ENPP2: variants seen among roughly 807,000 people sequenced by gnomAD.
ENPP2 encodes autotaxin.
In ENPP2, 51 loss-of-function variants were observed where a neutral mutation model predicts 120.2. The observed-to-expected ratio is 0.42, with a 90% CI of 0.34 to 0.54. The LOEUF (loss-of-function observed/expected upper bound fraction) is 0.54, where lower values mean the gene tolerates loss of function less well. Among genes scored for constraint, ENPP2 ranks in the 20% least tolerant of loss-of-function variants. The probability of loss-of-function intolerance (pLI) is 0.04; values close to 1 mark genes in which losing one functional copy is unlikely to be tolerated. For synonymous variants in ENPP2, 365 were observed against 366.4 expected, an observed-to-expected ratio of 1.00 and a Z score of 0.04; for missense variants, 920 against 1,066.5, an observed-to-expected ratio of 0.86 and a Z score of 1.91.
At chr8:119,666,393 A>T (rs11992737) in intron 1 of ENPP2, among the ~76,000 whole-genome samples, 1 of 151,882 alleles carries the variant, frequency 6.6e-6, no homozygotes, top group South Asian at 2.1e-4. Context: ...TACTCCTAGG[A>T]GATGATAATT....
At chr8:119,606,606 T>TAAAA (rs1001820171) in intron 9 of ENPP2, among the ~76,000 whole-genome samples, 1 of 140,082 alleles carries the variant, frequency 7.1e-6, no homozygotes, top group East Asian at 2.0e-4. Flanking sequence ...GAAACCTCTT[T>TAAAA]AAAAAAAAAA....
chr8:119,659,477 C>T (rs1171907124), intron 1 of ENPP2, among the ~76,000 whole-genome samples: 1 of 152,148 alleles, frequency 6.6e-6, no homozygotes, highest in Admixed American at 6.5e-5. Flanking sequence ...GTTATCCACA[C>T]ACATTCATGC....
chr8:119,673,227 G>A, intron 1 of ENPP2: 4 of 1,527,910 alleles, frequency 2.6e-6, no homozygotes, highest in Admixed American at 2.0e-5. Flanking sequence ...AATGGAGGAC[G>A]GGTAGAGAGA....
At position 119,563,075 on chromosome 8, in the gene ENPP2, A is replaced by C. The variant is rs1814107942; in HGVS notation, c.2265-62T>G. 2.8e-6 allele frequency: 4 copies of C among 1,442,768 alleles called. No individual in the cohort carries two copies. In the East Asian group the frequency reaches 9.3e-5, roughly 33 times the overall value. 89.4% of individuals were successfully genotyped at this position (1,442,768 alleles called of 1,614,324 possible). A position where few individuals can be genotyped will look rare whatever the true frequency, so the allele number is the denominator to read the frequency against. ...AGTTGATGTTGAAGCTTTCTTTTTT[A>C]AATGGTGATCAATGAATATTGCCTA... is the stretch of plus-strand genomic sequence containing the variant. On this transcript the variant is annotated intron_variant, in intron 23 of 24. Coordinates refer to ENST00000075322, the MANE Select transcript of ENPP2 (RefSeq NM_001040092.3).
rs114017951 is a variant in ENPP2, at chr8:119,612,276, G to A, written c.777+3989C>T. On this transcript the variant is annotated intron_variant, in intron 8 of 24. Coordinates refer to ENST00000075322, the MANE Select transcript of ENPP2 (RefSeq NM_001040092.3). The stretch of plus-strand genomic sequence containing the variant: ...CAAAGAGAAAAAACTGCAGGTCTGC[G>A]GTAGTATATGGAAAAGAAACAACAG... Among the ~76,000 whole-genome samples the A allele has an allele frequency of 8.0e-3, 1,219 of 152,174 alleles. 15 individuals are homozygous for A. The highest frequency in any genetic ancestry group is 0.028 in the African/African-American group (1,163 of 41,506).
chr8:119,638,738 G>A lies in ENPP2; in HGVS notation c.33+10C>T. The A allele has an allele frequency of 1.3e-6, 2 of 1,517,960 alleles. No individual in the cohort carries two copies. Among genetic ancestry groups the A allele is most frequent in the Non-Finnish European group, 1.8e-6 (2 of 1,092,186 alleles). The allele number at this position is 1,517,960 out of a possible 1,614,324, so 94.0% of individuals were successfully genotyped here. On this transcript the variant is annotated intron_variant, in intron 1 of 24. Coordinates refer to ENST00000075322, the MANE Select transcript of ENPP2 (RefSeq NM_001040092.3). ...CAAGCATGTCCCCCGTCATTCCTCC[G>A]TTCTCCCACCTGACACGACTGGAAC...
At chr8:119,656,509 A>G (rs16892916) in intron 1 of ENPP2, among the ~76,000 whole-genome samples, 2,830 of 152,300 alleles carry the variant, frequency 0.019, 85 homozygotes, top group African/African-American at 0.064. Flanking sequence ...TTGACCATTC[A>G]TTTATTTCCT....
chr8:119,574,293 G>A (rs370998755), intron 19 of ENPP2, among the ~76,000 whole-genome samples: 2 of 151,554 alleles, frequency 1.3e-5, no homozygotes, highest in Non-Finnish European at 2.9e-5. Context: ...TCTTGTTCTC[G>A]GCACACATTG....
chr8:119,664,083 A>C (rs1462713961), intron 1 of ENPP2, among the ~76,000 whole-genome samples: 1 of 152,188 alleles, frequency 6.6e-6, no homozygotes, highest in East Asian at 1.9e-4. Context: ...TGACGGAGGC[A>C]GAGTAGGTGC....
intron 1 of ENPP2, among the ~76,000 whole-genome samples, chr8:119,658,803 G>A (rs1563777914): frequency 6.6e-6 from 1 of 152,132 alleles, no homozygotes; most frequent in Non-Finnish European, 1.5e-5. Context: ...CCCCAGCACT[G>A]TCCCTGGCAC....
At chr8:119,596,193 T>C (rs568691384) in intron 11 of ENPP2, among the ~76,000 whole-genome samples, 13 of 152,342 alleles carry the variant, frequency 8.5e-5, no homozygotes, top group African/African-American at 3.1e-4. Flanking sequence ...AAATTGATGT[T>C]GATACTGTTG....
intron 9 of ENPP2, among the ~76,000 whole-genome samples, chr8:119,604,080 T>C (rs1291861188): frequency 6.7e-6 from 1 of 149,378 alleles, no homozygotes; most frequent in African/African-American, 2.5e-5. Flanking sequence ...TAGGCTGGAG[T>C]GCAGTGACAC....
chr8:119,565,213 TC>T (rs1814321049), intron 22 of ENPP2, among the ~76,000 whole-genome samples: 1 of 151,980 alleles, frequency 6.6e-6, no homozygotes, highest in African/African-American at 2.4e-5. Flanking sequence ...GAAAGGATCC[TC>T]CCAAGCTGAG....
chr8:119,659,618 C>A (rs1012025687), intron 1 of ENPP2, among the ~76,000 whole-genome samples: 5 of 152,192 alleles, frequency 3.3e-5, no homozygotes, highest in Admixed American at 6.5e-5. Flanking sequence ...CAGGGAACAA[C>A]TTTATCTCCT....
At chr8:119,671,622 C>T (rs949187380) in intron 1 of ENPP2, among the ~76,000 whole-genome samples, 15 of 152,164 alleles carry the variant, frequency 9.9e-5, no homozygotes, top group African/African-American at 3.4e-4. Flanking sequence ...AGAGGAAGAG[C>T]AGGCCTGGGA....
At chr8:119,659,340 A>C (rs575386347) in intron 1 of ENPP2, among the ~76,000 whole-genome samples, 2 of 151,232 alleles carry the variant, frequency 1.3e-5, no homozygotes, top group African/African-American at 4.9e-5. Flanking sequence ...AAAAAAAACC[A>C]GAGTTCTTAA....
chr8:119,636,498 T>C (rs534987324), intron 2 of ENPP2, among the ~76,000 whole-genome samples: 2 of 152,354 alleles, frequency 1.3e-5, no homozygotes, highest in East Asian at 1.9e-4. Flanking sequence ...TTTTAGATGA[T>C]ATCATAAAGG....
At chr8:119,587,725 T>G (rs1182276181) in intron 13 of ENPP2, among the ~76,000 whole-genome samples, 1 of 152,226 alleles carries the variant, frequency 6.6e-6, no homozygotes, top group East Asian at 1.9e-4. Context: ...TGGCTGTGCA[T>G]AAACTGTGGA....
In ENPP2 at chr8:119,616,335, G is replaced by A. The variant is rs2130702198; in HGVS notation, c.707C>T (p.Pro236Leu). Residue 236 changes from proline to leucine, a missense_variant, in exon 8 of 25, where the codon CCT becomes CTT. Transcript: ENST00000075322. The part of the protein sequence containing the change: ...HGIVGNSMYD[P>L]VFDATFHLRG... ...CAGATGAAAAGTGGCATCAAATACAGGATCATACATTGAATTGCCAACAAT... is the reference window on the plus strand; with the variant it reads ...CAGATGAAAAGTGGCATCAAATACAAGATCATACATTGAATTGCCAACAAT... The A allele has an allele frequency of 6.2e-7, 1 of 1,608,138 alleles. No individual in the cohort carries two copies. The highest frequency in any genetic ancestry group is 8.5e-7 in the Non-Finnish European group (1 of 1,175,612).
Sources: gnomAD v4.1 joint callset for allele counts (sites outside exome capture counted in the v4.1 genomes callset) on GRCh38, gnomAD v4.1.1 for gene constraint, MANE v1.5 for transcripts, NCBI Gene and HGNC (gene_info 2026-07-23, HGNC 2026-07-21) for gene names.